The following GBE1 variants were observed in gnomAD, a reference collection of about 807,000 sequenced individuals.
GBE1 encodes the protein 1,4-alpha-glucan-branching enzyme.
Under a neutral mutation model 88.8 loss-of-function variants are expected in GBE1, and 70 were observed. The observed-to-expected ratio is 0.79, with a 90% CI of 0.65 to 0.96. The LOEUF is 0.96. Among genes scored for constraint, GBE1 ranks in the 40% least tolerant of loss-of-function variants. The pLI is 0.00. For missense variants in GBE1, 872 were observed against 871.0 expected (o/e 1.00, Z -0.01); for synonymous variants, 284 against 300.1 (o/e 0.95, Z 0.56).
chr3:81,619,460 T>G (rs1276295607), intron 7 of GBE1, among the ~76,000 whole-genome samples: 1 of 152,166 alleles, frequency 6.6e-6, no homozygotes, highest in African/African-American at 2.4e-5. Flanking sequence ...GCTAATTTTT[T>G]AAAACTGACA....
intron 7 of GBE1, among the ~76,000 whole-genome samples, chr3:81,622,607 A>T (rs1346267831): frequency 6.6e-6 from 1 of 152,162 alleles, no homozygotes; most frequent in Non-Finnish European, 1.5e-5. Flanking sequence ...GTGCCTACTC[A>T]ATATTTCCAC....
chr3:81,538,937 C>G (rs531182338), intron 12 of GBE1, among the ~76,000 whole-genome samples: 2 of 151,994 alleles, frequency 1.3e-5, no homozygotes, highest in South Asian at 2.1e-4. Context: ...TCCTTTAGCC[C>G]TCTTCCATGG....
intron 7 of GBE1, among the ~76,000 whole-genome samples, chr3:81,610,130 TATGATGCTAC>T (rs1428978404): frequency 1.3e-5 from 2 of 152,180 alleles, no homozygotes; most frequent in African/African-American, 2.4e-5. Context: ...TTCCAACTAT[TATGATGCTAC>T]ATGATGCTAC....
At chr3:81,502,322 C>T (rs1024123557) in intron 14 of GBE1, among the ~76,000 whole-genome samples, 1 of 152,108 alleles carries the variant, frequency 6.6e-6, no homozygotes, top group Non-Finnish European at 1.5e-5. Flanking sequence ...AATCTACTTA[C>T]TTTATATAAT....
At chr3:81,757,384 T>C (rs780889900) in intron 1 of GBE1, among the ~76,000 whole-genome samples, 2 of 152,206 alleles carry the variant, frequency 1.3e-5, no homozygotes, top group Admixed American at 6.5e-5. Flanking sequence ...ATGATCAGAT[T>C]TGTTTATTTC....
intron 14 of GBE1, among the ~76,000 whole-genome samples, chr3:81,523,450 G>C (rs186180074): frequency 2.0e-5 from 3 of 151,696 alleles, no homozygotes; most frequent in Admixed American, 1.3e-4. Flanking sequence ...AGGGTAAATA[G>C]AGTATCCATC....
intron 4 of GBE1, among the ~76,000 whole-genome samples, 190 bp from the exon 5 acceptor site, chr3:81,649,181 A>G (rs1458747917): frequency 2.0e-5 from 3 of 152,142 alleles, no homozygotes; most frequent in East Asian, 1.9e-4. Flanking sequence ...TAGTGGACCT[A>G]TTTTAAAAGA....
chr3:81,512,939 T>C (rs927266476), intron 14 of GBE1, among the ~76,000 whole-genome samples: 2 of 151,814 alleles, frequency 1.3e-5, no homozygotes, highest in Non-Finnish European at 2.9e-5. Context: ...AATAAGCTTA[T>C]ATATATCTTA....
chr3:81,534,323 C>G (rs988868226), intron 14 of GBE1, among the ~76,000 whole-genome samples: 10 of 151,920 alleles, frequency 6.6e-5, no homozygotes, highest in Non-Finnish European at 7.4e-5. Context: ...TTTAAAAGCT[C>G]TATGACGGCA....
chr3:81,662,954 G>C (rs1397215776), intron 3 of GBE1, among the ~76,000 whole-genome samples: 2 of 152,140 alleles, frequency 1.3e-5, no homozygotes, highest in African/African-American at 4.8e-5. Context: ...GATCATATAG[G>C]GATCAATTGG....
intron 12 of GBE1, among the ~76,000 whole-genome samples, chr3:81,561,371 T>C (rs1703415112): frequency 6.6e-6 from 1 of 152,074 alleles, no homozygotes; most frequent in Non-Finnish European, 1.5e-5. Context: ...CCTGAAACAA[T>C]GGAACAGTAT....
At chr3:81,602,547 T>G (rs529939780) in intron 7 of GBE1, among the ~76,000 whole-genome samples, 2 of 152,204 alleles carry the variant, frequency 1.3e-5, no homozygotes, top group South Asian at 4.1e-4. Context: ...CACTGTATCT[T>G]CACATGGTAG....
At chr3:81,759,846 TA>T (rs1371877088) in intron 1 of GBE1, among the ~76,000 whole-genome samples, 16 of 148,308 alleles carry the variant, frequency 1.1e-4, no homozygotes, top group Admixed American at 1.3e-4. Context: ...TTGTGTCATT[TA>T]AAAAAAAAAG....
chr3:81,640,619 T>C (rs904847268), intron 7 of GBE1, among the ~76,000 whole-genome samples: 1 of 151,356 alleles, frequency 6.6e-6, no homozygotes, highest in East Asian at 1.9e-4. Context: ...TATAGCTTCA[T>C]ATATAAATAT....
rs763846308 is a variant in GBE1 at position 81,705,471 on chromosome 3, C to T, written c.286G>A (p.Glu96Lys). 6.3e-7 allele frequency: 1 copy of T among 1,596,958 alleles called. No homozygotes were observed. The highest frequency in any genetic ancestry group is 1.2e-5 in the South Asian group (1 of 86,390). Residue 96 changes from glutamate (E) to lysine (K), a missense_variant, in exon 2 of 16, where the codon GAA becomes AAA. Transcript: ENST00000429644. ...AAATCTCCAGTAAGAAAAACTCCTTCTGCTCCCGGGGCCCATTCTTTGCAG... is the reference window on the plus strand; with the variant it reads ...AAATCTCCAGTAAGAAAAACTCCTTTTGCTCCCGGGGCCCATTCTTTGCAG... Reference protein sequence around the residue: ...LYCKEWAPGAEGVFLTGDFNG... With the variant: ...LYCKEWAPGAKGVFLTGDFNG...
Position 81,612,358 on chromosome 3 carries a change from T to G in GBE1, c.993-18335A>C. 7 of 801,056 alleles carry G rather than the reference T, an allele frequency of 8.7e-6. No homozygotes were observed. The South Asian group carries it at 9.4e-5, about 11-fold the overall frequency. The allele number at this position is 801,056 out of a possible 1,614,324, so 49.6% of individuals were successfully genotyped here. On this transcript the variant is annotated intron_variant, in intron 7 of 15. Transcript: ENST00000429644. Reference sequence around the variant, plus strand: ...ATTTCCATTTGATTTCGGTGGACTTTGAAGATGGATCACCACGCTCATTAG... The same window carrying G: ...ATTTCCATTTGATTTCGGTGGACTTGGAAGATGGATCACCACGCTCATTAG...
At position 81,736,122 on chromosome 3, in the gene GBE1, G is replaced by A. The variant is rs182022291; in HGVS notation, c.143+25253C>T. ...CAGCATATCCCAGTAAGATTTCCCAGCTGAGAGATACCATACAGGTCTGCT... is the reference window on the plus strand; with the variant it reads ...CAGCATATCCCAGTAAGATTTCCCAACTGAGAGATACCATACAGGTCTGCT... On this transcript the variant is annotated intron_variant, in intron 1 of 15. Transcript: ENST00000429644. Among the ~76,000 whole-genome samples, 170 of 152,212 alleles carry A rather than the reference G, an allele frequency of 1.1e-3. No individual in the cohort carries two copies. The Middle Eastern group carries it at 0.014, about 12-fold the overall frequency.
intron 7 of GBE1, among the ~76,000 whole-genome samples, chr3:81,596,992 T>C (rs1703965321): frequency 6.6e-6 from 1 of 151,932 alleles, no homozygotes; most frequent in African/African-American, 2.4e-5. Flanking sequence ...ATTTTTCCTT[T>C]TTTGGGGTGT....
rs1576156452 is a variant in GBE1, at chr3:81,578,161, T to C, written c.1447-65A>G. The C allele has an allele frequency of 9.1e-6, 10 of 1,100,914 alleles. No homozygotes were observed. In the East Asian group the frequency reaches 2.1e-4, roughly 23 times the overall value. The allele number at this position is 1,100,914 out of a possible 1,614,324, so 68.2% of individuals were successfully genotyped here. A position where few individuals can be genotyped will look rare whatever the true frequency, so the allele number is the denominator to read the frequency against. ...AGTGCTAAGTAGTTGTGATTTACAA[T>C]AGAACAATGCATGGTTACAAATGTT... On this transcript the variant is annotated intron_variant, in intron 11 of 15. Coordinates refer to ENST00000429644, the MANE Select transcript of GBE1 (RefSeq NM_000158.4).
Sources: gnomAD v4.1 joint callset for allele counts (sites outside exome capture counted in the v4.1 genomes callset) on GRCh38, gnomAD v4.1.1 for gene constraint, MANE v1.5 for transcripts, NCBI Gene and HGNC (gene_info 2026-07-23, HGNC 2026-07-21) for gene names.